QRICH1: variants seen among roughly 807,000 people sequenced by gnomAD.
QRICH1 encodes the protein transcriptional regulator QRICH1.
In QRICH1, 16 loss-of-function variants were observed where a neutral mutation model predicts 87.1. The observed-to-expected ratio is 0.18, with a 90% CI of 0.12 to 0.28. The LOEUF is 0.28. QRICH1 is among the 10% of genes least tolerant of loss of function. The pLI is 1.00. For synonymous variants in QRICH1, 367 were observed against 368.4 expected (o/e 1.00, Z 0.05); for missense variants, 647 against 951.7 (o/e 0.68, Z 4.21).
intron 4 of QRICH1, 32 bp from the exon 5 acceptor site, chr3:49,046,611 T>C: frequency 1.9e-6 from 3 of 1,606,084 alleles, no homozygotes; most frequent in Non-Finnish European, 2.5e-6. Context: ...TGAATGAAGG[T>C]CCTGGGGGTC....
intron 6 of QRICH1, among the ~76,000 whole-genome samples, chr3:49,037,986 G>A (rs2093285937): frequency 6.6e-6 from 1 of 151,980 alleles, no homozygotes; most frequent in Non-Finnish European, 1.5e-5. Flanking sequence ...ATTTCAATAT[G>A]TAGACTTAAT....
Position 49,034,883 on chromosome 3 carries a change from G to A in QRICH1, c.1787-1655C>T, listed in dbSNP as rs184619607. Among the ~76,000 whole-genome samples the A allele has an allele frequency of 4.5e-4, 68 of 152,258 alleles. 1 individual carries two copies. Among genetic ancestry groups the A allele is most frequent in the Middle Eastern group, 6.8e-3 (2 of 294 alleles). Reference sequence around the variant, plus strand: ...CAACAGTATTCTCCTGCAGGGTTTCGGGATTCTCCAAGCAAGCACAGTGTG... The same window carrying A: ...CAACAGTATTCTCCTGCAGGGTTTCAGGATTCTCCAAGCAAGCACAGTGTG... On this transcript the variant is annotated intron_variant, in intron 6 of 9. Coordinates refer to ENST00000395443, the MANE Select transcript of QRICH1 (RefSeq NM_198880.3).
At chr3:49,064,168 T>C (rs1419205455) in intron 2 of QRICH1, among the ~76,000 whole-genome samples, 1 of 151,672 alleles carries the variant, frequency 6.6e-6, no homozygotes, top group Non-Finnish European at 1.5e-5. Flanking sequence ...CAACCTCAGG[T>C]GATCCGCCTG....
At chr3:49,070,074 A>G (rs1463319641) in intron 2 of QRICH1, among the ~76,000 whole-genome samples, 4 of 150,794 alleles carry the variant, frequency 2.7e-5, no homozygotes, top group South Asian at 2.1e-4. Context: ...TTTCGCTCAC[A>G]TTGCCCAGTC....
At chr3:49,084,810 G>C (rs1368326498) in intron 1 of QRICH1, among the ~76,000 whole-genome samples, 2 of 151,990 alleles carry the variant, frequency 1.3e-5, no homozygotes, top group East Asian at 1.9e-4. Flanking sequence ...CTAGATGATG[G>C]AACCACAGAG....
At chr3:49,085,491 A>G (rs1413743866) in intron 1 of QRICH1, among the ~76,000 whole-genome samples, 1 of 152,202 alleles carries the variant, frequency 6.6e-6, no homozygotes, top group Non-Finnish European at 1.5e-5. Flanking sequence ...GAGGTGGCTC[A>G]TACCTGTAAT....
At chr3:49,065,430 G>A (rs1173624759) in intron 2 of QRICH1, among the ~76,000 whole-genome samples, 2 of 152,210 alleles carry the variant, frequency 1.3e-5, no homozygotes, top group African/African-American at 2.4e-5. Context: ...ACAGGCGTAA[G>A]CCACTGCGCC....
At chr3:49,050,165 C>T (rs1217594645) in intron 3 of QRICH1, among the ~76,000 whole-genome samples, 7 of 146,838 alleles carry the variant, frequency 4.8e-5, no homozygotes, top group South Asian at 2.1e-4. Flanking sequence ...AGGAGAATGG[C>T]GTGAACCTGG....
intron 3 of QRICH1, among the ~76,000 whole-genome samples, chr3:49,049,568 G>C (rs2106874963): frequency 6.6e-6 from 1 of 152,082 alleles, no homozygotes; most frequent in Middle Eastern, 3.4e-3. Context: ...CATGATCTTG[G>C]CTCACCACAA....
chr3:49,044,367 C>T (rs773625115), intron 6 of QRICH1, 23 bp downstream of exon 6: 3 of 1,535,272 alleles, frequency 2.0e-6, no homozygotes, highest in Non-Finnish European at 2.7e-6. Flanking sequence ...GGAAAGATAT[C>T]CAAGGACAAG....
intron 2 of QRICH1, among the ~76,000 whole-genome samples, chr3:49,064,972 G>A (rs189603338): frequency 2.6e-5 from 4 of 152,152 alleles, no homozygotes; most frequent in Admixed American, 1.3e-4. Flanking sequence ...AGCGGAGATC[G>A]TGTCACTCAT....
At chr3:49,076,637 A>C (rs932921048) in intron 2 of QRICH1, 72 bp downstream of exon 2, 12 of 1,286,236 alleles carry the variant, frequency 9.3e-6, no homozygotes, top group African/African-American at 1.5e-5. Context: ...AGATGTGATG[A>C]GCCCACTAAC....
At chr3:49,076,322 G>C (rs556243986) in intron 2 of QRICH1, among the ~76,000 whole-genome samples, 1 of 152,288 alleles carries the variant, frequency 6.6e-6, no homozygotes, top group African/African-American at 2.4e-5. Context: ...TGCCGGGACC[G>C]GGTTCCGGTG....
At position 49,037,195 on chromosome 3, in the gene QRICH1, G is replaced by A. The variant is rs1167929291; in HGVS notation, c.1787-3967C>T. 3.3e-5 allele frequency among the ~76,000 whole-genome samples: 5 copies of A among 151,992 alleles called. No individual in the cohort carries two copies. In the East Asian group the frequency reaches 7.7e-4, roughly 23 times the overall value. Reference sequence around the variant, plus strand: ...GAATCAATGGATTCAGACATTATGGGCACTGTGATCAAAGAAAGGCCAACT... The same window carrying A: ...GAATCAATGGATTCAGACATTATGGACACTGTGATCAAAGAAAGGCCAACT... On this transcript the variant is annotated intron_variant, in intron 6 of 9. Transcript: ENST00000395443.
At chr3:49,036,234 G>A (rs2093274636) in intron 6 of QRICH1, among the ~76,000 whole-genome samples, 1 of 152,274 alleles carries the variant, frequency 6.6e-6, no homozygotes, top group Non-Finnish European at 1.5e-5. Context: ...CCAAAATGAT[G>A]TATTTTATCT....
chr3:49,087,188 CGGA>C (rs1167228831), intron 1 of QRICH1: 1 of 152,098 alleles, frequency 6.6e-6, no homozygotes. Context: ...ACCCAGCAGC[CGGA>C]GGTTGCAGTG....
upstream of QRICH1, chr3:49,094,137 C>T (rs1020273201): frequency 4.0e-5 from 16 of 397,924 alleles, no homozygotes; most frequent in Non-Finnish European, 6.6e-5. Context: ...GACTGCCTAC[C>T]GGCCAAAATT....
intron 2 of QRICH1, among the ~76,000 whole-genome samples, chr3:49,075,561 G>C (rs747484050): frequency 6.6e-6 from 1 of 152,066 alleles, no homozygotes; most frequent in Non-Finnish European, 1.5e-5. Context: ...AACCCAAGAG[G>C]TGCAGGTTGC....
At chr3:49,065,568 A>G (rs575545685) in intron 2 of QRICH1, among the ~76,000 whole-genome samples, 1 of 152,314 alleles carries the variant, frequency 6.6e-6, no homozygotes, top group East Asian at 1.9e-4. Context: ...ACTCCAGTAC[A>G]TGGTCAGGAG....
Sources: allele counts gnomAD v4.1 joint callset (sites outside exome capture counted in the v4.1 genomes callset), GRCh38; gene constraint gnomAD v4.1.1; transcripts MANE v1.5; gene names NCBI Gene and HGNC (gene_info 2026-07-23, HGNC 2026-07-21).